Variants in TTLL7 observed in about 807,000 individuals in gnomAD.
TTLL7 encodes tubulin polyglutamylase TTLL7.
Under a neutral mutation model 120.2 loss-of-function variants are expected in TTLL7, and 53 were observed. The ratio of observed to expected loss-of-function variants is 0.44; its 90% CI spans 0.35 to 0.55. TTLL7 has a LOEUF of 0.55. TTLL7 is among the 20% of genes least tolerant of loss of function. TTLL7 has a pLI of 0.00. For missense variants in TTLL7, 803 were observed against 1,054.7 expected (o/e 0.76, Z 3.31); for synonymous variants, 353 against 351.7 (o/e 1.00, Z -0.04).
intron 1 of TTLL7, among the ~76,000 whole-genome samples, chr1:83,987,414 CA>C (rs772620468): frequency 5.9e-5 from 9 of 152,098 alleles, no homozygotes; most frequent in Non-Finnish European, 1.2e-4. Context: ...AACACAATTT[CA>C]ATTAACATTT....
chr1:83,941,618 C>A (rs1647975023), intron 7 of TTLL7, among the ~76,000 whole-genome samples: 1 of 151,940 alleles, frequency 6.6e-6, no homozygotes, highest in Non-Finnish European at 1.5e-5. Flanking sequence ...AAAACAATAA[C>A]CAGGTATTTG....
Position 83,883,156 on chromosome 1 carries a change from C to A in TTLL7, c.2370-20G>T, listed in dbSNP as rs1190525878. On this transcript the variant is annotated intron_variant, in intron 19 of 20. Coordinates refer to ENST00000260505, the MANE Select transcript of TTLL7 (RefSeq NM_024686.6). ...GAGGATCTGTTGGCATGGAAACAGA[C>A]ATGATCTCATGTTGGCTGTTAAAAA... is the stretch of plus-strand genomic sequence containing the variant. 4 of 1,556,222 alleles carry A rather than the reference C, an allele frequency of 2.6e-6. No individual in the cohort carries two copies. The South Asian group carries it at 3.6e-5, about 14-fold the overall frequency.
chr1:83,933,081 C>T (rs1188595628), intron 9 of TTLL7, among the ~76,000 whole-genome samples: 1 of 152,160 alleles, frequency 6.6e-6, no homozygotes, highest in East Asian at 1.9e-4. Flanking sequence ...AACCTGAAGG[C>T]ATACAGTTGA....
At chr1:83,903,326 C>T (rs1268051998) in intron 18 of TTLL7, among the ~76,000 whole-genome samples, 1 of 151,992 alleles carries the variant, frequency 6.6e-6, no homozygotes, top group Non-Finnish European at 1.5e-5. Context: ...ATTTGTTCTT[C>T]CCTCTGCCTG....
In TTLL7 at chr1:83,972,510, G is replaced by A. The variant is rs187217476; in HGVS notation, c.-176-20123C>T. ...CATTCATCTGCTGACGTACATCTTG[G>A]TTGCTTCCAGGTTTTGGCAATTATG... is the stretch of plus-strand genomic sequence containing the variant. On this transcript the variant is annotated intron_variant, in intron 1 of 20. Coordinates refer to ENST00000260505, the MANE Select transcript of TTLL7 (RefSeq NM_024686.6). 1.5e-3 allele frequency among the ~76,000 whole-genome samples: 231 copies of A among 152,122 alleles called. 2 individuals are homozygous for A. Among genetic ancestry groups the A allele is most frequent in the African/African-American group, 5.3e-3 (220 of 41,500 alleles).
At chr1:83,959,482 G>A (rs899359070) in intron 1 of TTLL7, among the ~76,000 whole-genome samples, 1 of 152,116 alleles carries the variant, frequency 6.6e-6, no homozygotes, top group Non-Finnish European at 1.5e-5. Context: ...GCTTTGGAAA[G>A]CATCTGGAAA....
intron 20 of TTLL7, among the ~76,000 whole-genome samples, chr1:83,871,012 T>C (rs1018600980): frequency 6.7e-6 from 1 of 149,282 alleles, no homozygotes; most frequent in Non-Finnish European, 1.5e-5. Flanking sequence ...GACAATATGG[T>C]GATTTATATA....
chr1:83,943,516 C>A (rs1011869599), intron 6 of TTLL7, among the ~76,000 whole-genome samples: 1 of 152,152 alleles, frequency 6.6e-6, no homozygotes, highest in African/African-American at 2.4e-5. Context: ...AAATTGGGAG[C>A]TTTTTTGTTG....
intron 17 of TTLL7, among the ~76,000 whole-genome samples, chr1:83,905,671 T>A (rs1657145252): frequency 6.6e-6 from 1 of 151,930 alleles, no homozygotes; most frequent in African/African-American, 2.4e-5. Context: ...AAAGGATGTT[T>A]GAATGAAGAA....
At chr1:83,997,689 C>T (rs962165368) in intron 1 of TTLL7, among the ~76,000 whole-genome samples, 2 of 152,158 alleles carry the variant, frequency 1.3e-5, no homozygotes, top group Non-Finnish European at 1.5e-5. Flanking sequence ...ACCTGTCACC[C>T]TATTGTGGGG....
At chr1:83,994,310 C>T (rs1653284279) in intron 1 of TTLL7, among the ~76,000 whole-genome samples, 2 of 152,240 alleles carry the variant, frequency 1.3e-5, no homozygotes, top group African/African-American at 4.8e-5. Context: ...CTTCCACTGG[C>T]TCTCATAGAC....
intron 1 of TTLL7, among the ~76,000 whole-genome samples, chr1:83,972,744 G>A (rs566769342): frequency 6.6e-6 from 1 of 152,168 alleles, no homozygotes; most frequent in South Asian, 2.1e-4. Context: ...TTGGTGTTGT[G>A]AGTGTTTTGG....
In TTLL7 at chr1:83,921,535, T is replaced by C; in HGVS notation, c.1143-141A>G. On this transcript the variant is annotated intron_variant, in intron 10 of 20. Coordinates refer to ENST00000260505, the MANE Select transcript of TTLL7 (RefSeq NM_024686.6). Reference sequence around the variant, plus strand: ...AACTTATATATTCACTTACATTATATTCATCTAACCATACCTCAAATATGG... The same window carrying C: ...AACTTATATATTCACTTACATTATACTCATCTAACCATACCTCAAATATGG... 6 of 873,572 alleles carry C rather than the reference T, an allele frequency of 6.9e-6. No individual in the cohort carries two copies. The South Asian group carries it at 1.2e-4, about 17-fold the overall frequency. The allele number at this position is 873,572 out of a possible 1,614,324, so 54.1% of individuals were successfully genotyped here. A position where few individuals can be genotyped will look rare whatever the true frequency, so the allele number is the denominator to read the frequency against.
rs200988494 is a variant in TTLL7, at chr1:83,935,929, TTAAAA to T, written c.888+1918_888+1922del. 6.5e-4 allele frequency among the ~76,000 whole-genome samples: 99 copies of T among 152,254 alleles called. 1 individual carries two copies. The East Asian group carries it at 0.017, about 26-fold the overall frequency. On this transcript the variant is annotated intron_variant, in intron 8 of 20. Transcript: ENST00000260505. The stretch of plus-strand genomic sequence containing the variant: ...TGCAGACAGGTGTTTGACAAGATAA[TTAAAA>T]TAAAAGTACTTGAAAAGCTAGATTT...
chr1:83,868,268 C>T lies in TTLL7; in HGVS notation c.*1694G>A, dbSNP rs559695429. ...AAGGAGGTAAAACATTCATGAATTT[C>T]GAAAATAATTAGCAGCTAAAAGAAA... On this transcript the variant is annotated 3_prime_UTR_variant, in exon 21 of 21. Transcript: ENST00000260505. 6.6e-6 allele frequency: 1 copy of T among 151,948 alleles called. No homozygotes were observed. The highest frequency in any genetic ancestry group is 2.4e-5 in the African/African-American group (1 of 41,346). The allele number at this position is 151,948 out of a possible 1,614,324, so 9.4% of individuals were successfully genotyped here.
At chr1:83,912,701 T>C (rs1657783107) in intron 14 of TTLL7, among the ~76,000 whole-genome samples, 1 of 152,116 alleles carries the variant, frequency 6.6e-6, no homozygotes, top group Non-Finnish European at 1.5e-5. Context: ...ATTTACAGTC[T>C]TTGCAAAGGA....
chr1:83,995,078 A>T (rs762905239), intron 1 of TTLL7, among the ~76,000 whole-genome samples: 18 of 152,020 alleles, frequency 1.2e-4, no homozygotes, highest in Non-Finnish European at 2.5e-4. Context: ...CCTCAGTAAC[A>T]CCAACTGCCT....
chr1:83,893,989 A>C (rs974054734), intron 18 of TTLL7, among the ~76,000 whole-genome samples: 8 of 152,148 alleles, frequency 5.3e-5, no homozygotes, highest in African/African-American at 1.9e-4. Context: ...ATATTGAAAT[A>C]TGAGTATCAA....
intron 12 of TTLL7, among the ~76,000 whole-genome samples, chr1:83,920,172 A>G (rs1249508936): frequency 6.6e-5 from 10 of 152,168 alleles, no homozygotes. Context: ...TAGTGGCACA[A>G]ATCCACAAAC....
Sources: allele counts gnomAD v4.1 joint callset (sites outside exome capture counted in the v4.1 genomes callset), GRCh38; gene constraint gnomAD v4.1.1; transcripts MANE v1.5; gene names NCBI Gene and HGNC (gene_info 2026-07-23, HGNC 2026-07-21).